The following PCDHGA4 variants were observed in gnomAD, a reference collection of about 807,000 sequenced individuals.
The protein encoded by PCDHGA4 is protocadherin gamma-A4.
In PCDHGA4, 38 loss-of-function variants were observed where a neutral mutation model predicts 54.6. The observed-to-expected ratio is 0.70, with a 90% CI of 0.54 to 0.91. The LOEUF is 0.91. Ranked by LOEUF, PCDHGA4 falls within the 40% of genes least tolerant of loss-of-function variation. The pLI, the probability that PCDHGA4 is intolerant of heterozygous loss-of-function variation, is 0.00. For synonymous variants in PCDHGA4, 511 were observed against 512.9 expected, an observed-to-expected ratio of 1.00 and a Z score of 0.05; for missense variants, 1,298 against 1,220.9, an observed-to-expected ratio of 1.06 and a Z score of -0.94.
In PCDHGA4 at chr5:141,474,958, C is replaced by T. The variant is rs114469479; in HGVS notation, c.2515-19849C>T. On this transcript the variant is annotated intron_variant, in intron 1 of 3. Transcript: ENST00000571252. ...CACAGTGGACTCTTTTATTCACTAT[C>T]CTAATCATTATAATTTTGTTTGGTG... is the stretch of plus-strand genomic sequence containing the variant. Among the ~76,000 whole-genome samples the T allele has an allele frequency of 4.4e-3, 666 of 152,340 alleles. 6 individuals are homozygous for T. The highest frequency in any genetic ancestry group is 0.015 in the African/African-American group (634 of 41,572).
At chr5:141,510,056 G>C (rs1450505898) in intron 3 of PCDHGA4, among the ~76,000 whole-genome samples, 2 of 152,174 alleles carry the variant, frequency 1.3e-5, no homozygotes. Flanking sequence ...AAGTGATTGT[G>C]CATGTGAAGC....
chr5:141,370,449 C>G, intron 1 of PCDHGA4: 1 of 1,608,694 alleles, frequency 6.2e-7, no homozygotes, highest in East Asian at 2.2e-5. Flanking sequence ...AATGCTATTT[C>G]TCTTCCTGCT....
At chr5:141,510,579 C>T (rs2099881748) in intron 3 of PCDHGA4, among the ~76,000 whole-genome samples, 1 of 152,170 alleles carries the variant, frequency 6.6e-6, no homozygotes, top group Non-Finnish European at 1.5e-5. Flanking sequence ...CACTATTTTA[C>T]GTACCTGACA....
intron 1 of PCDHGA4, chr5:141,399,446 A>G (rs2093810942): frequency 6.2e-7 from 1 of 1,613,826 alleles, no homozygotes; most frequent in South Asian, 1.1e-5. Flanking sequence ...CATATCAGAG[A>G]CGTCAACGAT....
intron 1 of PCDHGA4, chr5:141,394,345 C>T (rs748471730): frequency 1.2e-6 from 2 of 1,614,146 alleles, no homozygotes; most frequent in Non-Finnish European, 1.7e-6. Context: ...AACTCTGACA[C>T]CGGTGTCCTG....
intron 1 of PCDHGA4, among the ~76,000 whole-genome samples, chr5:141,425,336 G>A (rs2096868804): frequency 6.6e-6 from 1 of 152,182 alleles, no homozygotes; most frequent in South Asian, 2.1e-4. Flanking sequence ...CAAAAAGGAA[G>A]GGTTGGCTTT....
At position 141,355,552 on chromosome 5, in the gene PCDHGA4, C is replaced by T. The variant is rs182004159; in HGVS notation, c.445C>T (p.Arg149Trp). 6.2e-7 allele frequency: 1 copy of T among 1,613,938 alleles called. No individual in the cohort carries two copies. Residue 149 changes from arginine (R) to tryptophan (W), a missense_variant, in exon 1 of 4, where the codon CGG becomes TGG. Transcript: ENST00000571252. ...ILLEDTVKILRVEVEIIDVND... is the reference protein window; with the variant it reads ...ILLEDTVKILWVEVEIIDVND... ...TCTAGAAGATACAGTGAAGATTTTG[C>T]GGGTAGAGGTGGAAATAATCGATGT...
At position 141,368,797 on chromosome 5, in the gene PCDHGA4, A is replaced by G. The variant is rs560030013; in HGVS notation, c.2514+11176A>G. On this transcript the variant is annotated intron_variant, in intron 1 of 3. Coordinates refer to ENST00000571252, the MANE Select transcript of PCDHGA4 (RefSeq NM_018917.4). ...TGTGTTCTGAAGAATAATTTTTCAT[A>G]CTAATTGAAGTGTTCATACAATGAA... Among the ~76,000 whole-genome samples, 8 of 152,330 alleles carry G rather than the reference A, an allele frequency of 5.3e-5. No individual in the cohort carries two copies. The South Asian group carries it at 1.7e-3, about 32-fold the overall frequency.
At chr5:141,398,829 C>A in intron 1 of PCDHGA4, 2 of 1,613,994 alleles carry the variant, frequency 1.2e-6, no homozygotes, top group East Asian at 2.2e-5. Flanking sequence ...AGGTAACCGA[C>A]GCCAATGATA....
At chr5:141,384,337 G>C (rs370533196) in intron 1 of PCDHGA4, 2 of 1,613,832 alleles carry the variant, frequency 1.2e-6, no homozygotes, top group Non-Finnish European at 1.7e-6. Flanking sequence ...ACAGGACCAC[G>C]ACAGTGAGGA....
intron 1 of PCDHGA4, chr5:141,428,630 C>T: frequency 5.4e-6 from 1 of 185,692 alleles, no homozygotes; most frequent in Non-Finnish European, 1.1e-5. Context: ...AGCTCTAACT[C>T]TGTTGCTCCT....
intron 1 of PCDHGA4, chr5:141,372,569 C>T (rs1768882362): frequency 1.9e-6 from 3 of 1,614,034 alleles, no homozygotes; most frequent in African/African-American, 2.7e-5. Context: ...CCACTGAGGG[C>T]TACTTTCAGC....
At chr5:141,403,144 C>A in intron 1 of PCDHGA4, 10 of 1,614,042 alleles carry the variant, frequency 6.2e-6, no homozygotes, top group Non-Finnish European at 8.5e-6. Flanking sequence ...AGCGCCGAGT[C>A]CGCATCGTCT....
Position 141,477,100 on chromosome 5 carries a change from C to T in PCDHGA4, c.2515-17707C>T, listed in dbSNP as rs970613825. Reference sequence around the variant, plus strand: ...TTTACATCCAGGCCAAAGACAAGGGCGCCAATCCCGAAGGAGCACATTGCA... The same window carrying T: ...TTTACATCCAGGCCAAAGACAAGGGTGCCAATCCCGAAGGAGCACATTGCA... On this transcript the variant is annotated intron_variant, in intron 1 of 3. Transcript: ENST00000571252. The surrounding 1 kb of genome is among the most constrained non-coding windows in gnomAD (Gnocchi z 4.9). 1 of 1,614,098 alleles carries T rather than the reference C, an allele frequency of 6.2e-7. No homozygotes were observed. Among genetic ancestry groups the T allele is most frequent in the African/African-American group, 1.3e-5 (1 of 74,932 alleles).
chr5:141,450,829 A>ATTTTTT (rs373424450), intron 1 of PCDHGA4, among the ~76,000 whole-genome samples: 1 of 135,126 alleles, frequency 7.4e-6, no homozygotes. Context: ...TATTATTATT[A>ATTTTTT]TTTTTTTTTT....
rs766474451 is a variant in PCDHGA4 at position 141,477,676 on chromosome 5, AT to A, written c.2515-17130del. On this transcript the variant is annotated intron_variant, in intron 1 of 3. Coordinates refer to ENST00000571252, the MANE Select transcript of PCDHGA4 (RefSeq NM_018917.4). This position sits in a 1 kb window ranked among gnomAD's most constrained non-coding sequence, Gnocchi z 4.9. ...TAAATCGTGACAATGGCATAGTGTCATCCTTAGTGCCCCTAGACTATGAGGA... is the reference window on the plus strand; with the variant it reads ...TAAATCGTGACAATGGCATAGTGTCACCTTAGTGCCCCTAGACTATGAGGA... 6.2e-7 allele frequency: 1 copy of A among 1,614,194 alleles called. No homozygotes were observed. The highest frequency in any genetic ancestry group is 2.2e-5 in the East Asian group (1 of 44,886).
At chr5:141,421,213 G>C (rs916345810) in intron 1 of PCDHGA4, 3 of 1,548,472 alleles carry the variant, frequency 1.9e-6, no homozygotes, top group Admixed American at 4.1e-5. Context: ...GCGGAATATC[G>C]GCTTAGAGCC....
chr5:141,432,632 G>A lies in PCDHGA4; in HGVS notation c.2515-62175G>A. 3.7e-6 allele frequency: 6 copies of A among 1,612,834 alleles called. No individual in the cohort carries two copies. The highest frequency in any genetic ancestry group is 5.1e-6 in the Non-Finnish European group (6 of 1,179,706). On this transcript the variant is annotated intron_variant, in intron 1 of 3. Coordinates refer to ENST00000571252, the MANE Select transcript of PCDHGA4 (RefSeq NM_018917.4). The surrounding 1 kb of genome is among the most constrained non-coding windows in gnomAD (Gnocchi z 6.0). ...CTTCTCGGTGGGTCTGCACACGGGC[G>A]AGGTGCGCACGGCGCGAGCCCTGCT...
chr5:141,395,057 T>A (rs2093157144), intron 1 of PCDHGA4: 1 of 1,614,042 alleles, frequency 6.2e-7, no homozygotes, highest in Non-Finnish European at 8.5e-7. Context: ...AGGTACAGGC[T>A]TTCCTGCAGA....
Sources: gnomAD v4.1 joint callset for allele counts (sites outside exome capture counted in the v4.1 genomes callset) on GRCh38, gnomAD v4.1.1 for gene constraint, Gnocchi (gnomAD v3.1) non-coding constraint, MANE v1.5 for transcripts, NCBI Gene and HGNC (gene_info 2026-07-23, HGNC 2026-07-21) for gene names.